GPC3: variants seen among roughly 807,000 people sequenced by gnomAD.
GPC3 encodes glypican 3, also known as glypican-3.
In GPC3, 3 loss-of-function variants were observed where a neutral mutation model predicts 34.4. The ratio of observed to expected loss-of-function variants is 0.09; its 90% CI spans 0.04 to 0.23. GPC3 has a LOEUF of 0.23. Ranked by LOEUF, GPC3 falls within the 10% of genes least tolerant of loss-of-function variation. The pLI is 1.00. For synonymous variants in GPC3, 177 were observed against 174.0 expected, an observed-to-expected ratio of 1.02 and a Z score of -0.13; for missense variants, 351 against 445.6, an observed-to-expected ratio of 0.79 and a Z score of 1.91.
chrX:133,598,663 AAACTC>A (rs1402105300), intron 6 of GPC3, among the ~76,000 whole-genome samples: 1 of 112,138 alleles, frequency 8.9e-6, no homozygotes, highest in African/African-American at 3.2e-5. Flanking sequence ...ACTACATTAA[AAACTC>A]AACAAGTAGT....
intron 6 of GPC3, among the ~76,000 whole-genome samples, chrX:133,630,557 A>G (rs1340654814): frequency 9.0e-6 from 1 of 111,656 alleles, no homozygotes; most frequent in Non-Finnish European, 1.9e-5. Flanking sequence ...ACGAAACTCT[A>G]TAATCAGACA....
chrX:133,547,870 G>A (rs1266114272), intron 7 of GPC3, among the ~76,000 whole-genome samples: 1 of 110,299 alleles, frequency 9.1e-6, no homozygotes, highest in Non-Finnish European at 1.9e-5. Context: ...CATGTTGTCC[G>A]GGCTGGTCTT....
chrX:133,896,374 A>G lies in GPC3; in HGVS notation c.337+56676T>C, dbSNP rs193114061. Among the ~76,000 whole-genome samples the G allele has an allele frequency of 1.6e-3, 173 of 109,980 alleles. 2 individuals carry two copies. In the East Asian group the frequency reaches 0.039, roughly 25 times the overall value. ...AGAGATTGTCTCAGAAAAAAAAAAA[A>G]AAAGAAAGAAAAAGAAAGGAAACAT... On this transcript the variant is annotated intron_variant, in intron 2 of 7. Transcript: ENST00000370818.
chrX:133,750,871 T>C (rs2071660529), intron 3 of GPC3, among the ~76,000 whole-genome samples: 1 of 109,098 alleles, frequency 9.2e-6, no homozygotes, highest in African/African-American at 3.3e-5. Context: ...GTCAGGAGTT[T>C]GAGACTAGCC....
chrX:133,643,974 C>T (rs939194574), intron 6 of GPC3, among the ~76,000 whole-genome samples: 3 of 108,883 alleles, frequency 2.8e-5, no homozygotes, highest in Non-Finnish European at 3.8e-5. Flanking sequence ...ATTACAGGTG[C>T]CCACCACCAT....
chrX:133,897,525 A>T (rs1321336873), intron 2 of GPC3, among the ~76,000 whole-genome samples: 2 of 110,123 alleles, frequency 1.8e-5, no homozygotes, highest in African/African-American at 6.6e-5. Context: ...ATATAAGGAT[A>T]CCGTGCTATT....
At chrX:133,693,995 T>G (rs998562714) in intron 4 of GPC3, among the ~76,000 whole-genome samples, 1 of 110,649 alleles carries the variant, frequency 9.0e-6, no homozygotes, top group Non-Finnish European at 1.9e-5. Flanking sequence ...CCTTTCCTTT[T>G]CTCCACCATG....
intron 1 of GPC3, among the ~76,000 whole-genome samples, chrX:133,966,363 T>C (rs1014285715): frequency 3.6e-5 from 4 of 112,584 alleles, no homozygotes; most frequent in African/African-American, 1.3e-4. Flanking sequence ...TATGAGCTTT[T>C]CTTCACATTC....
chrX:133,611,419 C>A (rs1214440175), intron 6 of GPC3, among the ~76,000 whole-genome samples: 1 of 111,758 alleles, frequency 8.9e-6, no homozygotes, highest in Non-Finnish European at 1.9e-5. Flanking sequence ...ACACTCAAAT[C>A]ATCAATTCCT....
chrX:133,615,857 C>T (rs1465326341), intron 6 of GPC3, among the ~76,000 whole-genome samples: 1 of 110,720 alleles, frequency 9.0e-6, no homozygotes, highest in Non-Finnish European at 1.9e-5. Context: ...AATCCAACAG[C>T]CTTTTGTGAT....
intron 3 of GPC3, among the ~76,000 whole-genome samples, chrX:133,704,941 A>C (rs1056864716): frequency 2.7e-5 from 3 of 111,250 alleles, no homozygotes; most frequent in African/African-American, 9.8e-5. Context: ...TTAAAATCTA[A>C]CTGTCATTCT....
At chrX:133,723,716 C>T (rs764503388) in intron 3 of GPC3, among the ~76,000 whole-genome samples, 1 of 111,772 alleles carries the variant, frequency 8.9e-6, no homozygotes, top group African/African-American at 3.3e-5. Context: ...CTCCTGCTCT[C>T]TCTTTGCCTT....
chrX:133,823,128 C>CAAAAAAA (rs34231185), intron 2 of GPC3, among the ~76,000 whole-genome samples: 5 of 18,869 alleles, frequency 2.6e-4, no homozygotes, highest in African/African-American at 8.6e-4. Flanking sequence ...GACTCCGTCT[C>CAAAAAAA]AAAAAAAAAA....
rs1266924385 is a variant in GPC3, at chrX:133,624,824, C to CA, written c.1414-28226_1414-28225insT. The stretch of plus-strand genomic sequence containing the variant: ...TAACTCATTTTATGAGGCCAGTAGT[C>CA]TCCTGATACCAAAGCCTGGCAGTGA... On this transcript the variant is annotated intron_variant, in intron 6 of 7. Coordinates refer to ENST00000370818, the MANE Select transcript of GPC3 (RefSeq NM_004484.4). Among the ~76,000 whole-genome samples, 112 of 110,413 alleles carry CA rather than the reference C, an allele frequency of 1.0e-3. 1 individual carries two copies. The highest frequency in any genetic ancestry group is 1.6e-3 in the Non-Finnish European group (85 of 52,788).
At chrX:133,786,674 C>T (rs2072105625) in intron 2 of GPC3, among the ~76,000 whole-genome samples, 1 of 111,919 alleles carries the variant, frequency 8.9e-6, no homozygotes, top group Admixed American at 9.4e-5. Flanking sequence ...TTCTTCAGTT[C>T]CTGTGTGGTG....
At chrX:133,926,489 A>G (rs1213994222) in intron 2 of GPC3, among the ~76,000 whole-genome samples, 1 of 112,588 alleles carries the variant, frequency 8.9e-6, no homozygotes, top group African/African-American at 3.2e-5. Context: ...AAACAAAACA[A>G]TGAACTAAAC....
intron 2 of GPC3, among the ~76,000 whole-genome samples, chrX:133,823,672 G>A (rs1280933895): frequency 9.0e-6 from 1 of 111,309 alleles, no homozygotes; most frequent in Non-Finnish European, 1.9e-5. Flanking sequence ...TCTGCATTCA[G>A]GTTAAATACA....
At chrX:133,827,144 C>T (rs11795485) in intron 2 of GPC3, among the ~76,000 whole-genome samples, 1,688 of 111,509 alleles carry the variant, frequency 0.015, 21 homozygotes, top group Non-Finnish European at 0.022. Flanking sequence ...AAGGGGAAAT[C>T]AAGACATTCC....
At chrX:133,818,233 G>C (rs1457785709) in intron 2 of GPC3, among the ~76,000 whole-genome samples, 1 of 111,825 alleles carries the variant, frequency 8.9e-6, no homozygotes, top group Non-Finnish European at 1.9e-5. Flanking sequence ...TGACACAAAG[G>C]CCAAGATAAG....
Sources: allele counts gnomAD v4.1 joint callset (sites outside exome capture counted in the v4.1 genomes callset), GRCh38; gene constraint gnomAD v4.1.1; transcripts MANE v1.5; gene names NCBI Gene and HGNC (gene_info 2026-07-23, HGNC 2026-07-21).